RRP12: variants seen among roughly 807,000 people sequenced by gnomAD.
The protein encoded by RRP12 is RRP12-like protein.
In RRP12, 78 loss-of-function variants were observed where a neutral mutation model predicts 157.3. The observed-to-expected ratio is 0.50, with a 90% CI of 0.41 to 0.60. RRP12 has a LOEUF of 0.60. RRP12 is among the 20% of genes least tolerant of loss of function. RRP12 has a pLI of 0.00. For synonymous variants in RRP12, 726 were observed against 670.9 expected (o/e 1.08, Z -1.27); for missense variants, 1,521 against 1,679.9 (o/e 0.91, Z 1.65).
rs759074298 is a variant in RRP12, at chr10:97,367,104, T to G, written c.2984A>C (p.Asp995Ala). The G allele has an allele frequency of 1.1e-5, 17 of 1,614,050 alleles. No individual in the cohort carries two copies. Among genetic ancestry groups the G allele is most frequent in the Non-Finnish European group, 1.4e-5 (17 of 1,180,034 alleles). The stretch of plus-strand genomic sequence containing the variant: ...CTTCATGCGGAAGTGCCGCCGCATG[T>G]CATCTGAAAGCTTCCCAATGGCTTC... ...VMEAIGKLSD[D>A]MRRHFRMKLR... Residue 995 changes from aspartate to alanine, a missense_variant, in exon 26 of 34, where the codon GAC (aspartate) becomes GCC (alanine). Transcript: ENST00000370992.
chr10:97,357,703 A>T (rs1843744963), intron 33 of RRP12, among the ~76,000 whole-genome samples: 1 of 152,214 alleles, frequency 6.6e-6, no homozygotes, highest in South Asian at 2.1e-4. Flanking sequence ...TCATGCCTGT[A>T]ATCCCAGCAC....
chr10:97,393,691 G>A lies in RRP12; in HGVS notation c.523C>T (p.Leu175=). The change falls in exon 4 of 34, where the codon CTG becomes TTG. Residue 175 remains leucine (L), a synonymous_variant. Coordinates refer to ENST00000370992, the MANE Select transcript of RRP12 (RefSeq NM_015179.4). ...ACAGGAGGCAGAACTCACCGCTTCA[G>A]GACAAGGTTCAGCAGGTAAGCAACG... ...AAVAYLLNLV[L]KRVPSPVLIK... is the part of the protein sequence containing the mutation. The A allele has an allele frequency of 6.2e-7, 1 of 1,613,992 alleles. No homozygotes were observed. The highest frequency in any genetic ancestry group is 8.5e-7 in the Non-Finnish European group (1 of 1,179,926).
intron 2 of RRP12, among the ~76,000 whole-genome samples, chr10:97,398,007 A>G (rs1334770224): frequency 2.8e-5 from 2 of 71,304 alleles, no homozygotes; most frequent in Admixed American, 1.6e-4. Context: ...ATATATATAC[A>G]TATATATATA....
chr10:97,398,457 G>A (rs1484147885), intron 2 of RRP12, among the ~76,000 whole-genome samples: 3 of 148,186 alleles, frequency 2.0e-5, no homozygotes, highest in East Asian at 2.0e-4. Context: ...GGGTTCAAGT[G>A]ATTCTCGTGC....
intron 20 of RRP12, chr10:97,371,414 C>A: frequency 3.1e-6 from 1 of 327,730 alleles, no homozygotes; most frequent in Non-Finnish European, 5.7e-6. Context: ...TCTCTCCTTC[C>A]AAGACTGACA....
chr10:97,374,783 A>AT (rs1564756330), intron 15 of RRP12, among the ~76,000 whole-genome samples: 1 of 151,686 alleles, frequency 6.6e-6, no homozygotes, highest in Non-Finnish European at 1.5e-5. Flanking sequence ...AAAAAAAAAA[A>AT]AAAAAACCAT....
chr10:97,395,417 T>C (rs1040960722), intron 3 of RRP12, among the ~76,000 whole-genome samples: 1 of 151,756 alleles, frequency 6.6e-6, no homozygotes, highest in African/African-American at 2.4e-5. Context: ...CCAGGTGTGG[T>C]GGCGCACGCC....
intron 29 of RRP12, 64 bp from the exon 30 acceptor site, chr10:97,363,967 C>T (rs984803536): frequency 6.3e-5 from 92 of 1,467,434 alleles, no homozygotes; most frequent in Non-Finnish European, 8.2e-5. Context: ...CCCTTTCCTT[C>T]TGCCCCCTCC....
At chr10:97,395,237 C>A (rs1395055621) in intron 3 of RRP12, among the ~76,000 whole-genome samples, 1 of 151,406 alleles carries the variant, frequency 6.6e-6, no homozygotes, top group Non-Finnish European at 1.5e-5. Flanking sequence ...CATACATACA[C>A]AAATATATTT....
At chr10:97,359,076 GGCACCCTCTCTGAGAGAGCT>G (rs1160053919) in intron 31 of RRP12, 66 bp from the exon 32 acceptor site, 31 of 1,257,780 alleles carry the variant, frequency 2.5e-5, no homozygotes, top group Non-Finnish European at 3.3e-5. Context: ...AAAGGCAATG[GGCACCCTCTCTGAGAGAGCT>G]GCAAGGGAGC....
In RRP12 at chr10:97,390,728, C is replaced by G. The variant is rs1477794254; in HGVS notation, c.636+11G>C. The G allele has an allele frequency of 6.3e-7, 1 of 1,588,146 alleles. No individual in the cohort carries two copies. The highest frequency in any genetic ancestry group is 1.7e-5 in the Admixed American group (1 of 59,972). On this transcript the variant is annotated intron_variant, in intron 5 of 33. Transcript: ENST00000370992. The stretch of plus-strand genomic sequence containing the variant: ...AGTCGCCAGATGAGAAACTAAACCC[C>G]AGACACTAACCCATCGGAGGACAGA...
Position 97,370,059 on chromosome 10 carries a change from A to G in RRP12, c.2797+108T>C, listed in dbSNP as rs144797999. The G allele has an allele frequency of 2.6e-5, 20 of 764,474 alleles. No individual in the cohort carries two copies. In the African/African-American group the frequency reaches 3.0e-4, roughly 11 times the overall value. 47.4% of individuals were successfully genotyped at this position (764,474 alleles called of 1,614,324 possible). ...AACTGGGCTGGGTGTGGCTTTTCTT[A>G]CTTCCTCCAGGCACCTTTTCCCAGT... On this transcript the variant is annotated intron_variant, in intron 24 of 33. Transcript: ENST00000370992.
In RRP12 at chr10:97,373,775, A is replaced by C. The variant is rs767386919; in HGVS notation, c.1864-38T>G. The C allele has an allele frequency of 8.7e-6, 14 of 1,612,434 alleles. No homozygotes were observed. The East Asian group carries it at 2.9e-4, about 33-fold the overall frequency. ...GGGACAATAAAGGAAGGTGACACGC[A>C]GCCACCTGTGCCCCTGTGTGCTTCT... On this transcript the variant is annotated intron_variant, in intron 16 of 33. Transcript: ENST00000370992.
intron 30 of RRP12, among the ~76,000 whole-genome samples, chr10:97,361,442 C>T (rs1284599844): frequency 6.6e-6 from 1 of 152,206 alleles, no homozygotes; most frequent in Non-Finnish European, 1.5e-5. Context: ...GTGGTCTGTG[C>T]CACTGTGCCC....
At chr10:97,389,056 A>G (rs1844722255) in intron 6 of RRP12, among the ~76,000 whole-genome samples, 2 of 152,286 alleles carry the variant, frequency 1.3e-5, no homozygotes, top group South Asian at 2.1e-4. Context: ...CAGAAGGTTA[A>G]AAAGTACTTT....
At chr10:97,362,535 G>A (rs1408134644) in intron 30 of RRP12, among the ~76,000 whole-genome samples, 1 of 152,130 alleles carries the variant, frequency 6.6e-6, no homozygotes, top group African/African-American at 2.4e-5. Context: ...CCTGGAGAGG[G>A]AGACTAGACT....
At position 97,362,979 on chromosome 10, in the gene RRP12, C is replaced by T. The variant is rs190711108; in HGVS notation, c.3567+875G>A. Among the ~76,000 whole-genome samples the T allele has an allele frequency of 2.6e-3, 389 of 152,282 alleles. 3 individuals carry two copies. The highest frequency in any genetic ancestry group is 4.3e-3 in the Non-Finnish European group (293 of 68,030). On this transcript the variant is annotated intron_variant, in intron 30 of 33. Coordinates refer to ENST00000370992, the MANE Select transcript of RRP12 (RefSeq NM_015179.4). ...TACACGCCCAATCTTACCAAACTGT[C>T]CCAATGACTCCACCAGGTGGTCTAT...
intron 25 of RRP12, chr10:97,367,387 C>T (rs1221101813): frequency 3.6e-6 from 2 of 560,796 alleles, no homozygotes; most frequent in Admixed American, 6.3e-5. Context: ...CTCAACAGCA[C>T]TTGGTACTTG....
rs148128623 is a variant in RRP12, at chr10:97,381,950, G to A, written c.1209-124C>T. On this transcript the variant is annotated intron_variant, in intron 10 of 33. Coordinates refer to ENST00000370992, the MANE Select transcript of RRP12 (RefSeq NM_015179.4). ...CAAACCCAGTGATCTGCAGGGCTCC[G>A]TAGGGCCCTTCTGGTGGGTGGTTTT... The A allele has an allele frequency of 1.2e-3, 757 of 645,538 alleles. 8 individuals carry two copies. The East Asian group carries it at 0.017, about 14-fold the overall frequency. 40.0% of individuals were successfully genotyped at this position (645,538 alleles called of 1,614,324 possible). A position where few individuals can be genotyped will look rare whatever the true frequency, so the allele number is the denominator to read the frequency against.
Sources: gnomAD v4.1 joint callset for allele counts (sites outside exome capture counted in the v4.1 genomes callset) on GRCh38, gnomAD v4.1.1 for gene constraint, MANE v1.5 for transcripts, NCBI Gene and HGNC (gene_info 2026-07-23, HGNC 2026-07-21) for gene names.